The following MMS19 variants were observed in gnomAD, a reference collection of about 807,000 sequenced individuals.
The protein encoded by MMS19 is MMS19 cytosolic iron-sulfur assembly component.
MMS19 carries 77 observed loss-of-function variants against 129.8 expected under a neutral mutation model. The ratio of observed to expected loss-of-function variants is 0.59; its 90% confidence interval spans 0.49 to 0.72. MMS19 has a LOEUF of 0.72. Ranked by LOEUF, MMS19 falls within the 30% of genes least tolerant of loss-of-function variation. The pLI, the probability that MMS19 is intolerant of heterozygous loss-of-function variation, is 0.00. For synonymous variants in MMS19, 491 were observed against 502.8 expected (o/e 0.98, Z 0.31); for missense variants, 1,168 against 1,266.3 (o/e 0.92, Z 1.18).
chr10:97,480,908 T>A, intron 3 of MMS19, 34 bp downstream of exon 3: 1 of 1,466,124 alleles, frequency 6.8e-7, no homozygotes, highest in Non-Finnish European at 9.4e-7. Context: ...GGCTCAGCAA[T>A]CCAGGAAGAC....
intron 8 of MMS19, among the ~76,000 whole-genome samples, chr10:97,471,141 A>C (rs2034602340): frequency 6.6e-6 from 1 of 152,234 alleles, no homozygotes; most frequent in African/African-American, 2.4e-5. Context: ...CTTCGCTGAT[A>C]TATATTGTTA....
Position 97,498,408 on chromosome 10 carries a change from G to A in MMS19, c.-24C>T, listed in dbSNP as rs746120475. 2 of 1,576,276 alleles carry A rather than the reference G, an allele frequency of 1.3e-6. No homozygotes were observed. Among genetic ancestry groups the A allele is most frequent in the South Asian group, 1.1e-5 (1 of 87,528 alleles). On this transcript the variant is annotated 5_prime_UTR_variant, in exon 1 of 31. Transcript: ENST00000438925. ...ATAACGCGAACTAGAGACCGTGGGA[G>A]GGGATATGGGCGGTGGCTCGAGACG... is the stretch of plus-strand genomic sequence containing the variant.
At chr10:97,484,246 G>T in intron 1 of MMS19, 95 bp from the exon 2 acceptor site, 1 of 831,598 alleles carries the variant, frequency 1.2e-6, no homozygotes, top group Non-Finnish European at 1.8e-6. Context: ...CCTGCCCTAG[G>T]CTTTGTACCT....
intron 7 of MMS19, 29 bp from the exon 8 acceptor site, chr10:97,476,773 GTT>G (rs769880143): frequency 3.1e-6 from 5 of 1,613,666 alleles, no homozygotes; most frequent in Non-Finnish European, 4.2e-6. Flanking sequence ...AATGAGGTTG[GTT>G]TATCAGCTTC....
chr10:97,487,124 A>G (rs1458978558), intron 1 of MMS19, among the ~76,000 whole-genome samples: 1 of 151,698 alleles, frequency 6.6e-6, no homozygotes, highest in East Asian at 1.9e-4. Flanking sequence ...CAGTGGTGCA[A>G]AAATAGAATG....
intron 14 of MMS19, among the ~76,000 whole-genome samples, chr10:97,467,254 T>C (rs112080917): frequency 0.015 from 2,216 of 152,276 alleles, 49 homozygotes; most frequent in African/African-American, 0.051. Flanking sequence ...GCTGGGATTA[T>C]AGGTGTGAGC....
chr10:97,486,886 T>TATATATATATATATAA (rs2037974149), intron 1 of MMS19, among the ~76,000 whole-genome samples: 1 of 114,508 alleles, frequency 8.7e-6, no homozygotes, highest in African/African-American at 3.0e-5. Flanking sequence ...TATATATATA[T>TATATATATATATATAA]ATATATATAA....
At position 97,478,375 on chromosome 10, in the gene MMS19, G is replaced by C. The variant is rs757381690; in HGVS notation, c.277C>G (p.Leu93Val). The change falls in exon 4 of 31, where the codon CTG (leucine) becomes GTG (valine). Residue 93 changes from leucine (L) to valine (V), a missense_variant. Leu to Val is a conservative substitution (Grantham distance 32). Transcript: ENST00000438925. ...LLEKEVVHLI[L>V]FYENRLKDHH... The stretch of plus-strand genomic sequence containing the variant: ...TCCTTCAGCCGGTTCTCATAGAACA[G>C]TATCAGGTGTACCACTGCACAAACC... 3 of 1,604,534 alleles carry C rather than the reference G, an allele frequency of 1.9e-6. No individual in the cohort carries two copies. The highest frequency in any genetic ancestry group is 1.7e-6 in the Non-Finnish European group (2 of 1,175,466).
chr10:97,463,696 C>T (rs2032668622), intron 19 of MMS19, among the ~76,000 whole-genome samples, 162 bp downstream of exon 19: 1 of 152,204 alleles, frequency 6.6e-6, no homozygotes, highest in South Asian at 2.1e-4. Context: ...GTCAGGGTGG[C>T]ACCCTTTGCT....
chr10:97,498,183 C>T, intron 1 of MMS19, 90 bp downstream of exon 1: 2 of 1,270,470 alleles, frequency 1.6e-6, no homozygotes, highest in East Asian at 2.6e-5. Flanking sequence ...CAAAGTCACC[C>T]CGCTCCTCCC....
chr10:97,460,656 T>C, intron 25 of MMS19, 39 bp downstream of exon 25: 1 of 1,532,918 alleles, frequency 6.5e-7, no homozygotes, highest in Non-Finnish European at 8.9e-7. Context: ...AGAAAGTTTG[T>C]TTAGGTCCTG....
rs533982915 is a variant in MMS19, at chr10:97,484,050, T to C, written c.161+53A>G. On this transcript the variant is annotated intron_variant, in intron 2 of 30. Transcript: ENST00000438925. ...AGCAGCAATGCGCAAAAGTAACTTT[T>C]CAGAATACACAGTCAGGGTTGGAGA... The C allele has an allele frequency of 3.2e-6, 4 of 1,248,914 alleles. No individual in the cohort carries two copies. The African/African-American group carries it at 6.1e-5, about 19-fold the overall frequency. 77.4% of individuals were successfully genotyped at this position (1,248,914 alleles called of 1,614,324 possible).
rs776072079 is a variant in MMS19, at chr10:97,460,901, C to T, written c.2412+6G>A. 5 of 1,573,642 alleles carry T rather than the reference C, an allele frequency of 3.2e-6. No individual in the cohort carries two copies. The highest frequency in any genetic ancestry group is 2.7e-5 in the African/African-American group (2 of 74,098). On this transcript the variant is annotated splice_donor_region_variant and intron_variant, in intron 24 of 30. Coordinates refer to ENST00000438925, the MANE Select transcript of MMS19 (RefSeq NM_022362.5). ...TGGCTAACCAGACTCCACTCCAACTCCTTACCCAGAGAAGAAGAGTGAAGG... is the reference window on the plus strand; with the variant it reads ...TGGCTAACCAGACTCCACTCCAACTTCTTACCCAGAGAAGAAGAGTGAAGG...
intron 29 of MMS19, 29 bp downstream of exon 29, chr10:97,459,194 G>A: frequency 1.2e-6 from 2 of 1,601,662 alleles, no homozygotes; most frequent in Non-Finnish European, 8.5e-7. Flanking sequence ...GATGTTCCCA[G>A]GCCAGGGAAG....
rs189789568 is a variant in MMS19, at chr10:97,470,935, C to A, written c.685-74G>T. ...TTGAACACAGGCTCGAACCTGGTAA[C>A]CCTGCAGAACAGGGTGATACTCATA... On this transcript the variant is annotated intron_variant, in intron 8 of 30. Coordinates refer to ENST00000438925, the MANE Select transcript of MMS19 (RefSeq NM_022362.5). 4.0e-5 allele frequency: 50 copies of A among 1,241,414 alleles called. No individual in the cohort carries two copies. In the African/African-American group the frequency reaches 6.8e-4, roughly 17 times the overall value. 76.9% of individuals were successfully genotyped at this position (1,241,414 alleles called of 1,614,324 possible).
intron 1 of MMS19, among the ~76,000 whole-genome samples, chr10:97,495,054 G>C (rs997862784): frequency 2.0e-5 from 3 of 152,242 alleles, no homozygotes; most frequent in Admixed American, 1.3e-4. Flanking sequence ...ATGAGATGCT[G>C]TCTGGCTGGG....
intron 14 of MMS19, among the ~76,000 whole-genome samples, chr10:97,467,221 C>T (rs1021899667): frequency 1.3e-5 from 2 of 152,274 alleles, no homozygotes; most frequent in East Asian, 1.9e-4. Flanking sequence ...TCAAGTTTTC[C>T]GCCTGCCTTA....
intron 1 of MMS19, among the ~76,000 whole-genome samples, chr10:97,495,853 C>T (rs2039686280): frequency 6.6e-6 from 1 of 152,268 alleles, no homozygotes; most frequent in South Asian, 2.1e-4. Context: ...GCGATCTCCG[C>T]TCACGGCAGC....
At chr10:97,463,775 C>A in intron 19 of MMS19, 83 bp downstream of exon 19, 1 of 1,214,838 alleles carries the variant, frequency 8.2e-7, no homozygotes, top group East Asian at 2.5e-5. Context: ...AATACAGTAC[C>A]ACCAATACCC....
Sources: gnomAD v4.1 joint callset for allele counts (sites outside exome capture counted in the v4.1 genomes callset) on GRCh38, gnomAD v4.1.1 for gene constraint, MANE v1.5 for transcripts, NCBI Gene and HGNC (gene_info 2026-07-23, HGNC 2026-07-21) for gene names.